ENTPD5: variants seen among roughly 807,000 people sequenced by gnomAD.
ENTPD5 encodes the protein ectonucleoside triphosphate diphosphohydrolase 5 (inactive), also known as nucleoside diphosphate phosphatase ENTPD5.
A neutral mutation model predicts 60.2 loss-of-function variants in ENTPD5; 49 were observed. That is an observed-to-expected ratio of 0.81 (90% CI 0.65 to 1.03). The LOEUF (loss-of-function observed/expected upper bound fraction) is 1.03, where lower values mean the gene tolerates loss of function less well. Among genes scored for constraint, ENTPD5 ranks in the 50% least tolerant of loss-of-function variants. The probability of loss-of-function intolerance (pLI) is 0.00; values close to 1 mark genes in which losing one functional copy is unlikely to be tolerated. For synonymous variants in ENTPD5, 187 were observed against 185.4 expected, an observed-to-expected ratio of 1.01 and a Z score of -0.07; for missense variants, 480 against 507.6, an observed-to-expected ratio of 0.95 and a Z score of 0.52.
At chr14:74,009,615 G>C (rs1254983467) in intron 3 of ENTPD5, among the ~76,000 whole-genome samples, 1 of 152,122 alleles carries the variant, frequency 6.6e-6, no homozygotes, top group Admixed American at 6.6e-5. Context: ...AAAAAAACTT[G>C]GGGTTTTTAA....
chr14:73,963,246 T>C lies in ENTPD5; in HGVS notation c.*3682A>G, dbSNP rs1594822839. On this transcript the variant is annotated 3_prime_UTR_variant, in exon 16 of 16. Coordinates refer to ENST00000334696, the MANE Select transcript of ENTPD5 (RefSeq NM_001249.5). Reference sequence around the variant, plus strand: ...GACTTACAATTTGGTTGAAAAGAGCTTTTTATTACTAAAAAACCCACAAGG... The same window carrying C: ...GACTTACAATTTGGTTGAAAAGAGCCTTTTATTACTAAAAAACCCACAAGG... 1 of 568,264 alleles carries C rather than the reference T, an allele frequency of 1.8e-6. No individual in the cohort carries two copies. The highest frequency in any genetic ancestry group is 2.9e-5 in the East Asian group (1 of 35,084). The allele number at this position is 568,264 out of a possible 1,614,324, so 35.2% of individuals were successfully genotyped here.
At chr14:73,974,206 A>G (rs2057344614) in intron 11 of ENTPD5, among the ~76,000 whole-genome samples, 1 of 152,172 alleles carries the variant, frequency 6.6e-6, no homozygotes, top group African/African-American at 2.4e-5. Flanking sequence ...ATTTTCATGC[A>G]TATGTGCTTT....
At chr14:73,955,588 C>T, downstream of ENTPD5, 1 of 1,431,408 alleles carries the variant, frequency 7.0e-7, no homozygotes, top group Non-Finnish European at 9.9e-7. Context: ...TCCAAGTGTT[C>T]TGTGAATGTA....
rs1566714276 is a variant in ENTPD5 at position 73,972,962 on chromosome 14, G to A, written c.949C>T (p.Gln317Ter). The change falls in exon 13 of 16, where the codon CAG becomes TAG. Residue 317 changes from glutamine (Q) to a stop codon, truncating the protein, a stop_gained. Coordinates refer to ENST00000334696, the MANE Select transcript of ENTPD5 (RefSeq NM_001249.5). LOFTEE classifies it high-confidence loss of function. ...GAACCTCTCTGGACCTCCTCTGGCT[G>A]GTGAAGTTTTCCTCGTACCACCCTC... ...VLRVVRGKLH[Q>*]PEEVQRGSFY... The A allele has an allele frequency of 1.9e-6, 3 of 1,614,220 alleles. No individual in the cohort carries two copies. Among genetic ancestry groups the A allele is most frequent in the African/African-American group, 1.3e-5 (1 of 75,050 alleles).
downstream of ENTPD5, chr14:73,955,592 G>A (rs771702385): frequency 5.0e-6 from 7 of 1,411,340 alleles, no homozygotes; most frequent in African/African-American, 7.1e-5. Context: ...AGTGTTCTGT[G>A]AATGTAGGAG....
chr14:74,017,023 A>G (rs748356451), intron 1 of ENTPD5, among the ~76,000 whole-genome samples: 5 of 152,246 alleles, frequency 3.3e-5, no homozygotes, highest in Non-Finnish European at 5.9e-5. Context: ...ATACACTCAG[A>G]AAAAGCTATG....
intron 6 of ENTPD5, among the ~76,000 whole-genome samples, chr14:73,981,417 T>C (rs1381855909): frequency 6.6e-6 from 1 of 151,756 alleles, no homozygotes; most frequent in Non-Finnish European, 1.5e-5. Context: ...AAGAATTGCT[T>C]GAACCTGGGA....
At position 73,974,902 on chromosome 14, in the gene ENTPD5, C is replaced by G. The variant is rs753586325; in HGVS notation, c.784+22G>C. 29 of 1,604,774 alleles carry G rather than the reference C, an allele frequency of 1.8e-5. 1 individual carries two copies. The South Asian group carries it at 2.0e-4, about 11-fold the overall frequency. ...CTGTGTCACCCTCACCATCCCCCCCCAGCACAGGTACCCAGACAAACCTTC... is the reference window on the plus strand; with the variant it reads ...CTGTGTCACCCTCACCATCCCCCCCGAGCACAGGTACCCAGACAAACCTTC... On this transcript the variant is annotated intron_variant, in intron 11 of 15. Coordinates refer to ENST00000334696, the MANE Select transcript of ENTPD5 (RefSeq NM_001249.5).
In ENTPD5 at chr14:73,963,936, G is replaced by A. The variant is rs934862841; in HGVS notation, c.*2992C>T. On this transcript the variant is annotated 3_prime_UTR_variant, in exon 16 of 16. Transcript: ENST00000334696. ...CTATTCTTACAGGGGTGCTTTTCAGGCAAATGCAGAAAATTTAAAAGAGTC... is the reference window on the plus strand; with the variant it reads ...CTATTCTTACAGGGGTGCTTTTCAGACAAATGCAGAAAATTTAAAAGAGTC... The A allele has an allele frequency of 6.6e-6, 1 of 152,250 alleles. No homozygotes were observed. The highest frequency in any genetic ancestry group is 3.4e-3 in the Middle Eastern group (1 of 294). 9.4% of individuals were successfully genotyped at this position (152,250 alleles called of 1,614,324 possible). A position where few individuals can be genotyped will look rare whatever the true frequency, so the allele number is the denominator to read the frequency against.
Position 73,965,609 on chromosome 14 carries a change from G to A in ENTPD5, c.*1319C>T, listed in dbSNP as rs984161703. 1 of 152,186 alleles carries A rather than the reference G, an allele frequency of 6.6e-6. No homozygotes were observed. Among genetic ancestry groups the A allele is most frequent in the Non-Finnish European group, 1.5e-5 (1 of 68,088 alleles). 9.4% of individuals were successfully genotyped at this position (152,186 alleles called of 1,614,324 possible). ...ATGGTGGTGGGCACCTGTAATCCCA[G>A]CTCTTCAGGAGGCTGAGAACAAGAA... On this transcript the variant is annotated 3_prime_UTR_variant, in exon 16 of 16. Transcript: ENST00000334696.
At chr14:73,976,117 C>T in intron 9 of ENTPD5, 102 bp from the exon 10 acceptor site, 1 of 1,012,440 alleles carries the variant, frequency 9.9e-7, no homozygotes, top group African/African-American at 1.6e-5. Flanking sequence ...GAGATGAAGA[C>T]AGATTAAGGG....
At chr14:73,988,461 T>A (rs1472811671) in intron 3 of ENTPD5, among the ~76,000 whole-genome samples, 2 of 152,224 alleles carry the variant, frequency 1.3e-5, no homozygotes, top group African/African-American at 4.8e-5. Context: ...GCAGACGATG[T>A]GTAAAGATCA....
downstream of ENTPD5, chr14:73,959,477 T>C (rs757494527): frequency 1.2e-6 from 2 of 1,614,204 alleles, no homozygotes; most frequent in East Asian, 4.5e-5. Context: ...CAGAGCTAGT[T>C]AGCATGGATG....
downstream of ENTPD5, chr14:73,955,783 G>T: frequency 6.2e-7 from 1 of 1,614,134 alleles, no homozygotes; most frequent in South Asian, 1.1e-5. Context: ...TTTTAATGCA[G>T]ACTTTCCTTT....
At chr14:73,991,437 A>T (rs1307295730) in intron 3 of ENTPD5, among the ~76,000 whole-genome samples, 1 of 151,916 alleles carries the variant, frequency 6.6e-6, no homozygotes, top group Non-Finnish European at 1.5e-5. Flanking sequence ...AAAATACAAA[A>T]ATTAGTTAGT....
At chr14:73,991,731 C>A (rs1053560938) in intron 3 of ENTPD5, among the ~76,000 whole-genome samples, 6 of 151,836 alleles carry the variant, frequency 4.0e-5, no homozygotes, top group African/African-American at 1.2e-4. Flanking sequence ...CCCCTCCACC[C>A]ACAACCAGTT....
chr14:73,989,501 C>T (rs1465341151), intron 3 of ENTPD5, among the ~76,000 whole-genome samples: 1 of 150,902 alleles, frequency 6.6e-6, no homozygotes, highest in Non-Finnish European at 1.5e-5. Context: ...AGTTTGAGAC[C>T]AGCCTGGCCA....
intron 3 of ENTPD5, among the ~76,000 whole-genome samples, chr14:74,001,228 C>T (rs1000258130): frequency 2.6e-5 from 4 of 151,736 alleles, no homozygotes; most frequent in Non-Finnish European, 5.9e-5. Flanking sequence ...TGTGTCTGGG[C>T]GCAGTGGCTC....
chr14:73,961,357 C>T (rs2056723360), downstream of ENTPD5: 3 of 1,614,208 alleles, frequency 1.9e-6, no homozygotes, highest in Non-Finnish European at 2.5e-6. Flanking sequence ...TACGTCAGGC[C>T]TCGGGTGGCG....
Sources: allele counts gnomAD v4.1 joint callset (sites outside exome capture counted in the v4.1 genomes callset), GRCh38; gene constraint gnomAD v4.1.1; transcripts MANE v1.5; gene names NCBI Gene and HGNC (gene_info 2026-07-23, HGNC 2026-07-21).